Variants in EPB41L2 observed in about 807,000 individuals in gnomAD.
The protein encoded by EPB41L2 is erythrocyte membrane protein band 4.1 like 2.
A neutral mutation model predicts 113.0 loss-of-function variants in EPB41L2; 43 were observed. The ratio of observed to expected loss-of-function variants is 0.38; its 90% CI spans 0.30 to 0.49. EPB41L2 has a LOEUF of 0.49. Ranked by LOEUF, EPB41L2 falls within the 20% of genes least tolerant of loss-of-function variation. The pLI, the probability that EPB41L2 is intolerant of heterozygous loss-of-function variation, is 0.95. For synonymous variants in EPB41L2, 442 were observed against 436.7 expected, an observed-to-expected ratio of 1.01 and a Z score of -0.15; for missense variants, 1,147 against 1,223.4, an observed-to-expected ratio of 0.94 and a Z score of 0.93.
chr6:130,890,190 C>A lies in EPB41L2; in HGVS notation c.1660+104G>T. 3 of 1,241,356 alleles carry A rather than the reference C, an allele frequency of 2.4e-6. No homozygotes were observed. The South Asian group carries it at 6.0e-5, about 25-fold the overall frequency. The allele number at this position is 1,241,356 out of a possible 1,614,324, so 76.9% of individuals were successfully genotyped here. On this transcript the variant is annotated intron_variant, in intron 11 of 19. Coordinates refer to ENST00000337057, the MANE Select transcript of EPB41L2 (RefSeq NM_001431.4). ...TTTACTCGGGAAAAAATGGCTATCC[C>A]TGTAGGGTATTTCTGGTGGCTTTAT...
intron 1 of EPB41L2, among the ~76,000 whole-genome samples, chr6:131,044,529 T>A (rs12214021): frequency 0.15 from 22,782 of 152,180 alleles, 2,336 homozygotes; most frequent in East Asian, 0.43. Context: ...ACTTTAATCA[T>A]CTTAAAATTT....
intron 3 of EPB41L2, among the ~76,000 whole-genome samples, chr6:130,953,238 G>T (rs1033670711): frequency 6.6e-6 from 1 of 151,898 alleles, no homozygotes; most frequent in South Asian, 2.1e-4. Flanking sequence ...TTTCTTTATG[G>T]TCTCTTACTC....
At chr6:130,886,600 T>A (rs1455010124) in intron 11 of EPB41L2, among the ~76,000 whole-genome samples, 3 of 151,162 alleles carry the variant, frequency 2.0e-5, no homozygotes. Flanking sequence ...TTACATTAAG[T>A]ATAGTTATTT....
intron 1 of EPB41L2, among the ~76,000 whole-genome samples, chr6:131,045,484 G>A (rs1236330100): frequency 1.3e-5 from 2 of 151,532 alleles, no homozygotes; most frequent in African/African-American, 4.8e-5. Flanking sequence ...TAAAGTCTTG[G>A]GTGATAAAAA....
intron 1 of EPB41L2, among the ~76,000 whole-genome samples, chr6:130,957,233 A>T (rs1177308456): frequency 2.0e-5 from 3 of 152,192 alleles, no homozygotes; most frequent in Non-Finnish European, 4.4e-5. Context: ...TCCAAACCAA[A>T]TGAGGACATT....
intron 16 of EPB41L2, among the ~76,000 whole-genome samples, chr6:130,866,951 C>T (rs1400855657): frequency 1.3e-5 from 2 of 151,896 alleles, no homozygotes; most frequent in East Asian, 1.9e-4. Context: ...AGGAGAAGCA[C>T]AGGTGTGTGT....
At chr6:130,888,279 TC>T (rs1791687940) in intron 11 of EPB41L2, among the ~76,000 whole-genome samples, 1 of 152,186 alleles carries the variant, frequency 6.6e-6, no homozygotes, top group Non-Finnish European at 1.5e-5. Context: ...GTTAAAAGCC[TC>T]CTATTTTTCA....
At chr6:130,849,769 T>C (rs554247736) in intron 19 of EPB41L2, among the ~76,000 whole-genome samples, 15 of 152,302 alleles carry the variant, frequency 9.8e-5, no homozygotes, top group African/African-American at 3.1e-4. Context: ...CCTCACAGTT[T>C]AAACAAGGGA....
intron 17 of EPB41L2, among the ~76,000 whole-genome samples, chr6:130,865,034 TG>T (rs1783276287): frequency 6.6e-6 from 1 of 152,226 alleles, no homozygotes; most frequent in African/African-American, 2.4e-5. Context: ...AAGCTGATGC[TG>T]CTGATCCAGG....
chr6:130,867,151 A>G (rs1784035381), intron 16 of EPB41L2, among the ~76,000 whole-genome samples: 1 of 152,244 alleles, frequency 6.6e-6, no homozygotes, highest in African/African-American at 2.4e-5. Context: ...TCCTAAGTGT[A>G]CACAAACATT....
chr6:130,886,036 G>A (rs539559756), intron 11 of EPB41L2, among the ~76,000 whole-genome samples: 1 of 152,158 alleles, frequency 6.6e-6, no homozygotes, highest in South Asian at 2.1e-4. Context: ...GTGAGTAGTA[G>A]GTGGCAGGAC....
In EPB41L2 at chr6:130,920,255, C is replaced by G. The variant is rs1046874135; in HGVS notation, c.810+6350G>C. Among the ~76,000 whole-genome samples, 9 of 152,190 alleles carry G rather than the reference C, an allele frequency of 5.9e-5. No homozygotes were observed. In the East Asian group the frequency reaches 1.7e-3, roughly 29 times the overall value. On this transcript the variant is annotated intron_variant, in intron 4 of 19. Transcript: ENST00000337057. ...AGGCTATTTCAATTTAAATTACTTA[C>G]AGTAAATAAAATTTAAGTCTATTTC...
chr6:130,846,615 C>G (rs1777111406), intron 19 of EPB41L2, among the ~76,000 whole-genome samples: 1 of 152,148 alleles, frequency 6.6e-6, no homozygotes, highest in African/African-American at 2.4e-5. Context: ...TCCTGGTTTG[C>G]TGGAACATGT....
chr6:130,931,093 A>AG (rs1374155851), intron 3 of EPB41L2, among the ~76,000 whole-genome samples: 2 of 152,092 alleles, frequency 1.3e-5, no homozygotes, highest in African/African-American at 4.8e-5. Flanking sequence ...GAACAGAATG[A>AG]GGGGTCTACA....
intron 1 of EPB41L2, among the ~76,000 whole-genome samples, chr6:131,019,300 T>A (rs1361288264): frequency 1.3e-5 from 2 of 152,228 alleles, no homozygotes; most frequent in Non-Finnish European, 2.9e-5. Context: ...CTTCTTTACA[T>A]AAATTTTCTA....
chr6:130,964,026 CT>C (rs59223991), intron 1 of EPB41L2, among the ~76,000 whole-genome samples: 22,108 of 145,514 alleles, frequency 0.15, 2,249 homozygotes, highest in African/African-American at 0.29. Flanking sequence ...TTTTCTTTTC[CT>C]TTTTTTTTTT....
chr6:131,061,420 G>T lies in EPB41L2; in HGVS notation c.-15+1735C>A, dbSNP rs542811852. Reference sequence around the variant, plus strand: ...GGTTCTTAAATTGAATTAAAAGAATGACCACTCGAGCTCTGACAGGTGACA... The same window carrying T: ...GGTTCTTAAATTGAATTAAAAGAATTACCACTCGAGCTCTGACAGGTGACA... On this transcript the variant is annotated intron_variant, in intron 1 of 19. Coordinates refer to ENST00000337057, the MANE Select transcript of EPB41L2 (RefSeq NM_001431.4). Among the ~76,000 whole-genome samples, 7 of 152,266 alleles carry T rather than the reference G, an allele frequency of 4.6e-5. No individual in the cohort carries two copies. In the East Asian group the frequency reaches 9.6e-4, roughly 21 times the overall value.
rs1182864935 is a variant in EPB41L2 at position 130,956,300 on chromosome 6, C to A, written c.186G>T (p.Gln62His). 1 of 1,614,070 alleles carries A rather than the reference C, an allele frequency of 6.2e-7. No individual in the cohort carries two copies. The highest frequency in any genetic ancestry group is 1.7e-5 in the Admixed American group (1 of 60,008). ...AAESQSSLRRQKREKETSESR... is the reference protein window; with the variant it reads ...AAESQSSLRRHKREKETSESR... ...TCTCCGATGTTTCCTTCTCTCTCTT[C>A]TGGCGGCGTAGACTACTTTGGCTTT... Residue 62 changes from glutamine (Q) to histidine (H), a missense_variant, in exon 2 of 20, where the codon CAG (glutamine) becomes CAT (histidine). Transcript: ENST00000337057.
At chr6:131,060,284 A>G (rs1584851290) in intron 1 of EPB41L2, among the ~76,000 whole-genome samples, 1 of 152,236 alleles carries the variant, frequency 6.6e-6, no homozygotes, top group Admixed American at 6.5e-5. Context: ...CAAAGATACA[A>G]CCTTTGTAGT....
Sources: allele counts gnomAD v4.1 joint callset (sites outside exome capture counted in the v4.1 genomes callset), GRCh38; gene constraint gnomAD v4.1.1; transcripts MANE v1.5; gene names NCBI Gene and HGNC (gene_info 2026-07-23, HGNC 2026-07-21).